Variants in TFAP2B observed in about 807,000 individuals in gnomAD.
The protein encoded by TFAP2B is transcription factor AP-2-beta.
TFAP2B carries 9 observed loss-of-function variants against 44.3 expected under a neutral mutation model. The ratio of observed to expected loss-of-function variants is 0.20; its 90% CI spans 0.12 to 0.35. The LOEUF (loss-of-function observed/expected upper bound fraction) is 0.35, where lower values mean the gene tolerates loss of function less well. Ranked by LOEUF, TFAP2B falls within the 10% of genes least tolerant of loss-of-function variation. TFAP2B has a pLI of 1.00. For missense variants in TFAP2B, 509 were observed against 600.0 expected, an observed-to-expected ratio of 0.85 and a Z score of 1.59; for synonymous variants, 270 against 263.8, an observed-to-expected ratio of 1.02 and a Z score of -0.23.
At chr6:50,823,294 T>G in intron 1 of TFAP2B, 113 bp from the exon 2 acceptor site, 1 of 941,168 alleles carries the variant, frequency 1.1e-6, no homozygotes, top group Non-Finnish European at 1.7e-6. Flanking sequence ...GCTTCTCCAT[T>G]TGTCACTTGT....
chr6:50,819,728 G>C (rs940126179), intron 1 of TFAP2B, among the ~76,000 whole-genome samples: 1 of 152,306 alleles, frequency 6.6e-6, no homozygotes, highest in Middle Eastern at 3.4e-3. Flanking sequence ...AGCCGCCTCC[G>C]GGGCCCGGAC....
intron 3 of TFAP2B, 46 bp from the exon 4 acceptor site, chr6:50,836,015 G>C: frequency 6.8e-7 from 1 of 1,465,004 alleles, no homozygotes; most frequent in Non-Finnish European, 9.6e-7. Context: ...CGGTCATCAG[G>C]ATCGAAACTT....
intron 3 of TFAP2B, among the ~76,000 whole-genome samples, chr6:50,832,949 G>A (rs1484378416): frequency 6.6e-6 from 1 of 152,142 alleles, no homozygotes; most frequent in Non-Finnish European, 1.5e-5. Flanking sequence ...CAGCAAAAAA[G>A]GGAGGGGAAT....
intron 6 of TFAP2B, among the ~76,000 whole-genome samples, chr6:50,842,501 A>T (rs1762752233): frequency 6.6e-6 from 1 of 152,226 alleles, no homozygotes; most frequent in Non-Finnish European, 1.5e-5. Flanking sequence ...GAAAGGAGGG[A>T]AAGGCAGAAA....
intron 4 of TFAP2B, among the ~76,000 whole-genome samples, chr6:50,837,101 TG>T (rs1473456086): frequency 2.0e-5 from 3 of 152,228 alleles, no homozygotes; most frequent in African/African-American, 7.2e-5. Flanking sequence ...TGACCCCTTC[TG>T]GGGGTTGACA....
chr6:50,822,263 C>G (rs1770374491), intron 1 of TFAP2B: 1 of 1,052,124 alleles, frequency 9.5e-7, no homozygotes, highest in Non-Finnish European at 1.3e-6. Flanking sequence ...CTCTCTGTCT[C>G]TCTCTGTCTT....
intron 1 of TFAP2B, among the ~76,000 whole-genome samples, chr6:50,820,012 C>G (rs551662259): frequency 6.6e-6 from 1 of 152,232 alleles, no homozygotes; most frequent in African/African-American, 2.4e-5. Flanking sequence ...AGGGAAGGTT[C>G]TGCTGAGACG....
intron 4 of TFAP2B, among the ~76,000 whole-genome samples, chr6:50,836,807 GATAAA>G (rs1394568874): frequency 6.6e-6 from 1 of 152,160 alleles, no homozygotes; most frequent in African/African-American, 2.4e-5. Flanking sequence ...AACCCAGTTT[GATAAA>G]CTCTTTTTCT....
rs533915084 is a variant in TFAP2B, at chr6:50,825,555, C to T, written c.540+1690C>T. Among the ~76,000 whole-genome samples, 6 of 152,192 alleles carry T rather than the reference C, an allele frequency of 3.9e-5. No homozygotes were observed. In the East Asian group the frequency reaches 1.2e-3, roughly 29 times the overall value. ...TTTTAAAGAAATAATTGAGAGAGGT[C>T]TTTTTGTGTTTGGTGAAATTCAAAG... On this transcript the variant is annotated intron_variant, in intron 2 of 6. Coordinates refer to ENST00000393655, the MANE Select transcript of TFAP2B (RefSeq NM_003221.4).
chr6:50,827,276 A>T (rs1363948371), intron 2 of TFAP2B, among the ~76,000 whole-genome samples: 1 of 152,210 alleles, frequency 6.6e-6, no homozygotes, highest in Non-Finnish European at 1.5e-5. Flanking sequence ...GGGTCCCCTG[A>T]GGAGTTATGA....
At chr6:50,832,262 C>G (rs1380744832) in intron 3 of TFAP2B, among the ~76,000 whole-genome samples, 1 of 152,176 alleles carries the variant, frequency 6.6e-6, no homozygotes, top group Non-Finnish European at 1.5e-5. Context: ...CTTCAACACT[C>G]CAAGTGCTGA....
At chr6:50,831,076 A>G (rs953820787) in intron 3 of TFAP2B, among the ~76,000 whole-genome samples, 6 of 152,176 alleles carry the variant, frequency 3.9e-5, no homozygotes, top group Non-Finnish European at 8.8e-5. Flanking sequence ...CTCTATCTCT[A>G]TGTCTCTTTC....
chr6:50,835,314 G>C (rs148991440), intron 3 of TFAP2B, among the ~76,000 whole-genome samples: 31 of 152,354 alleles, frequency 2.0e-4, no homozygotes, highest in Admixed American at 1.8e-3. Context: ...ACTAGCCGGT[G>C]CTTTAATTTG....
intron 3 of TFAP2B, among the ~76,000 whole-genome samples, chr6:50,831,653 A>G (rs1770682407): frequency 7.8e-6 from 1 of 127,586 alleles, no homozygotes; most frequent in African/African-American, 2.7e-5. Flanking sequence ...CATTAAGATT[A>G]GAAATCTGGG....
intron 6 of TFAP2B, among the ~76,000 whole-genome samples, chr6:50,841,024 G>A (rs770088699): frequency 3.3e-5 from 5 of 152,226 alleles, no homozygotes; most frequent in Non-Finnish European, 5.9e-5. Context: ...GGTTTGTCCC[G>A]TTGACAGCGT....
chr6:50,831,461 CG>C (rs996186124), intron 3 of TFAP2B, among the ~76,000 whole-genome samples: 1 of 151,928 alleles, frequency 6.6e-6, no homozygotes, highest in African/African-American at 2.4e-5. Flanking sequence ...CGGGAGTGGG[CG>C]GGGGGAGTAA....
chr6:50,842,962 G>A, intron 6 of TFAP2B, 130 bp from the exon 7 acceptor site: 1 of 1,263,766 alleles, frequency 7.9e-7, no homozygotes, highest in Non-Finnish European at 1.2e-6. Context: ...AGGAAACAGA[G>A]CGGAATCGCC....
upstream of TFAP2B, among the ~76,000 whole-genome samples, chr6:50,818,521 G>C (rs1183998586): frequency 1.3e-5 from 2 of 152,148 alleles, no homozygotes; most frequent in Non-Finnish European, 2.9e-5. Context: ...TGTCATTTTC[G>C]ATATAGAAGT....
intron 5 of TFAP2B, among the ~76,000 whole-genome samples, chr6:50,838,412 T>C (rs1371549387): frequency 2.0e-5 from 3 of 152,276 alleles, no homozygotes; most frequent in Middle Eastern, 6.8e-3. Flanking sequence ...CAAGAGTAAC[T>C]CTTTAAGCAA....
Sources: allele counts gnomAD v4.1 joint callset (sites outside exome capture counted in the v4.1 genomes callset), GRCh38; gene constraint gnomAD v4.1.1; transcripts MANE v1.5; gene names NCBI Gene and HGNC (gene_info 2026-07-23, HGNC 2026-07-21).